MID1: variants seen among roughly 807,000 people sequenced by gnomAD.
MID1 encodes the protein midline 1, also known as E3 ubiquitin-protein ligase Midline-1.
MID1 carries 7 observed loss-of-function variants against 40.4 expected under a neutral mutation model. The observed-to-expected ratio is 0.17, with a 90% CI of 0.10 to 0.33. The LOEUF is 0.33. Among genes scored for constraint, MID1 ranks in the 10% least tolerant of loss-of-function variants. MID1 has a pLI of 1.00. For synonymous variants in MID1, 229 were observed against 221.2 expected (o/e 1.04, Z -0.31); for missense variants, 367 against 558.5 (o/e 0.66, Z 3.46).
chrX:10,469,239 T>G, intron 7 of MID1: 9 of 582,734 alleles, frequency 1.5e-5, no homozygotes, highest in Non-Finnish European at 1.3e-5. Context: ...ACCCCGCTAA[T>G]TTTTGTATTT....
intron 2 of MID1, among the ~76,000 whole-genome samples, chrX:10,562,958 C>A (rs1602408937): frequency 2.1e-5 from 2 of 97,116 alleles, no homozygotes; most frequent in Admixed American, 2.1e-4. Flanking sequence ...CTAGAACCTG[C>A]ACTATGCCTG....
In MID1 at chrX:10,463,181, A is replaced by AAAAT. The variant is rs926014499; in HGVS notation, c.1286-3378_1286-3375dup. On this transcript the variant is annotated intron_variant, in intron 7 of 9. Transcript: ENST00000317552. ...ATCTATAGTCATAACTCTATTAACA[A>AAAAT]AAATAAAAAATAAAAATTAATGTCA... 2.7e-5 allele frequency among the ~76,000 whole-genome samples: 3 copies of AAAAT among 111,192 alleles called. No individual in the cohort carries two copies. The Admixed American group carries it at 2.8e-4, about 11-fold the overall frequency.
chrX:10,821,657 G>C (rs2147159549), intron 1 of MID1, among the ~76,000 whole-genome samples: 1 of 112,337 alleles, frequency 8.9e-6, no homozygotes, highest in South Asian at 3.7e-4. Flanking sequence ...CAAACACAAT[G>C]CCCGTGTTTG....
At chrX:10,472,772 T>C (rs1314933119) in intron 6 of MID1, among the ~76,000 whole-genome samples, 9 of 111,921 alleles carry the variant, frequency 8.0e-5, no homozygotes, top group Admixed American at 1.9e-4. Context: ...GGAGTAGTCA[T>C]GTTGTGATCA....
chrX:10,461,168 T>C lies in MID1; in HGVS notation c.1286-1361A>G, dbSNP rs763900212. Among the ~76,000 whole-genome samples the C allele has an allele frequency of 7.1e-3, 705 of 99,952 alleles. 12 individuals are homozygous for C. The highest frequency in any genetic ancestry group is 0.026 in the African/African-American group (651 of 25,124). The allele number at this position is 99,952 out of a possible 115,157, so 86.8% of individuals were successfully genotyped here. A position where few individuals can be genotyped will look rare whatever the true frequency, so the allele number is the denominator to read the frequency against. On this transcript the variant is annotated intron_variant, in intron 7 of 9. Coordinates refer to ENST00000317552, the MANE Select transcript of MID1 (RefSeq NM_000381.4). ...ACACACACACACACACACACACACA[T>C]ATTTGGTCTTGTGAATTTTCTGTTG...
intron 1 of MID1, among the ~76,000 whole-genome samples, chrX:10,627,433 T>C (rs780745930): frequency 1.8e-5 from 2 of 112,294 alleles, no homozygotes; most frequent in African/African-American, 6.5e-5. Flanking sequence ...CCAAATTGTT[T>C]TGGACATTCT....
chrX:10,699,856 C>G (rs1464687782), intron 1 of MID1, among the ~76,000 whole-genome samples: 1 of 107,429 alleles, frequency 9.3e-6, no homozygotes, highest in Non-Finnish European at 1.9e-5. Flanking sequence ...GAGCTTCACT[C>G]TTGTTGCCCA....
At chrX:10,556,181 C>T (rs1934114218) in intron 2 of MID1, among the ~76,000 whole-genome samples, 1 of 111,381 alleles carries the variant, frequency 9.0e-6, no homozygotes. Flanking sequence ...TTTTCCTCAT[C>T]TGTCTAGATG....
intron 9 of MID1, among the ~76,000 whole-genome samples, chrX:10,452,018 A>G: frequency 8.9e-6 from 1 of 112,025 alleles, no homozygotes. Flanking sequence ...TTTTCAGACA[A>G]TTTGGAACCT....
At chrX:10,587,674 G>A (rs1346116187) in intron 1 of MID1, among the ~76,000 whole-genome samples, 1 of 112,200 alleles carries the variant, frequency 8.9e-6, no homozygotes, top group Non-Finnish European at 1.9e-5. Flanking sequence ...ATTCCAACCA[G>A]GCATTTGCAT....
chrX:10,725,733 C>T (rs1050480296), intron 1 of MID1, among the ~76,000 whole-genome samples: 1 of 111,717 alleles, frequency 9.0e-6, no homozygotes, highest in South Asian at 3.8e-4. Flanking sequence ...GTGGGGTGCA[C>T]CTGTAATCCC....
chrX:10,673,185 C>T (rs1310053678), intron 1 of MID1, among the ~76,000 whole-genome samples: 2 of 111,452 alleles, frequency 1.8e-5, no homozygotes, highest in Non-Finnish European at 3.8e-5. Context: ...TTTTCTTTCC[C>T]TCAACCAGTA....
intron 1 of MID1, among the ~76,000 whole-genome samples, chrX:10,598,264 G>C (rs182650178): frequency 2.7e-4 from 30 of 112,103 alleles, no homozygotes; most frequent in African/African-American, 8.7e-4. Context: ...ACAAAACTTC[G>C]CTTTGGCCCT....
rs1037073610 is a variant in MID1, at chrX:10,586,078, G to A, written c.-56-18475C>T. 6.3e-5 allele frequency among the ~76,000 whole-genome samples: 7 copies of A among 111,138 alleles called. No individual in the cohort carries two copies. In the East Asian group the frequency reaches 1.1e-3, roughly 18 times the overall value. On this transcript the variant is annotated intron_variant, in intron 1 of 9. Transcript: ENST00000317552. The stretch of plus-strand genomic sequence containing the variant: ...ACACACATCAGGTTGGTCATTTCCC[G>A]GGCTACATACCTTGTATAGAGTAAC...
intron 1 of MID1, among the ~76,000 whole-genome samples, chrX:10,635,985 C>T: frequency 8.9e-6 from 1 of 111,979 alleles, no homozygotes; most frequent in Middle Eastern, 4.6e-3. Flanking sequence ...GGCAACAAAA[C>T]CATTTTTAAT....
intron 1 of MID1, among the ~76,000 whole-genome samples, chrX:10,833,206 T>C (rs918725645): frequency 7.1e-5 from 8 of 112,258 alleles, no homozygotes; most frequent in African/African-American, 1.3e-4. Context: ...TTACTATCAC[T>C]TCCTTGGGGA....
chrX:10,760,051 C>T (rs1015081650), intron 1 of MID1, among the ~76,000 whole-genome samples: 4 of 111,602 alleles, frequency 3.6e-5, no homozygotes, highest in African/African-American at 9.8e-5. Context: ...TCATACCGTT[C>T]TGAGAAGCAT....
chrX:10,642,512 G>C (rs1425741731), intron 1 of MID1, among the ~76,000 whole-genome samples: 3 of 110,211 alleles, frequency 2.7e-5, no homozygotes, highest in Admixed American at 1.9e-4. Context: ...CGAAATAAAA[G>C]AGGACACAAA....
At chrX:10,656,363 A>T (rs924698014) in intron 1 of MID1, among the ~76,000 whole-genome samples, 9 of 111,902 alleles carry the variant, frequency 8.0e-5, no homozygotes, top group African/African-American at 2.6e-4. Flanking sequence ...TTCAATGCCC[A>T]CACCTGTCAG....
Sources: allele counts gnomAD v4.1 joint callset (sites outside exome capture counted in the v4.1 genomes callset), GRCh38; gene constraint gnomAD v4.1.1; transcripts MANE v1.5; gene names NCBI Gene and HGNC (gene_info 2026-07-23, HGNC 2026-07-21).